SLC9C1: variants seen among roughly 807,000 people sequenced by gnomAD.
The protein encoded by SLC9C1 is solute carrier family 9 member C1.
SLC9C1 carries 97 observed loss-of-function variants against 140.9 expected under a neutral mutation model. That is an observed-to-expected ratio of 0.69 (90% CI 0.58 to 0.82). The LOEUF is 0.82. Ranked by LOEUF, SLC9C1 falls within the 40% of genes least tolerant of loss-of-function variation. The pLI, the probability that SLC9C1 is intolerant of heterozygous loss-of-function variation, is 0.00. For missense variants in SLC9C1, 1,340 were observed against 1,389.3 expected, an observed-to-expected ratio of 0.96 and a Z score of 0.56; for synonymous variants, 440 against 442.6, an observed-to-expected ratio of 0.99 and a Z score of 0.07.
chr3:112,167,857 A>G (rs144001705), intron 25 of SLC9C1, among the ~76,000 whole-genome samples: 4 of 152,228 alleles, frequency 2.6e-5, no homozygotes, highest in African/African-American at 9.6e-5. Flanking sequence ...TTGGCTGTCT[A>G]AATTCTCAAC....
intron 11 of SLC9C1, 135 bp from the exon 12 acceptor site, chr3:112,240,141 G>A: frequency 1.3e-6 from 1 of 795,488 alleles, no homozygotes. Flanking sequence ...TTAATAATGG[G>A]AATACTAAAG....
At chr3:112,279,719 C>T (rs1037403790) in intron 3 of SLC9C1, among the ~76,000 whole-genome samples, 5 of 152,184 alleles carry the variant, frequency 3.3e-5, no homozygotes, top group Non-Finnish European at 2.9e-5. Context: ...AGATATATAA[C>T]CCAATGTAGG....
chr3:112,230,114 C>T lies in SLC9C1; in HGVS notation c.1572+1247G>A, dbSNP rs116457838. Among the ~76,000 whole-genome samples, 463 of 152,272 alleles carry T rather than the reference C, an allele frequency of 3.0e-3. 4 individuals carry two copies. Among genetic ancestry groups the T allele is most frequent in the African/African-American group, 0.011 (443 of 41,562 alleles). On this transcript the variant is annotated intron_variant, in intron 13 of 28. Coordinates refer to ENST00000305815, the MANE Select transcript of SLC9C1 (RefSeq NM_183061.3). ...AGGTTCACCTATGGTTATCTCAGGA[C>T]TAGCCCTACTTCATTGTTTCCAGAT...
chr3:112,217,007 G>A (rs13100472), intron 15 of SLC9C1, among the ~76,000 whole-genome samples: 68,990 of 151,832 alleles, frequency 0.45, 16,178 homozygotes, highest in East Asian at 0.63. Flanking sequence ...CATATACACC[G>A]TGGAATACTA....
At chr3:112,210,757 T>A (rs1035040280) in intron 15 of SLC9C1, among the ~76,000 whole-genome samples, 2 of 152,218 alleles carry the variant, frequency 1.3e-5, no homozygotes, top group Admixed American at 1.3e-4. Context: ...CCCACATTTC[T>A]AATAAACATT....
chr3:112,204,267 A>G lies in SLC9C1; in HGVS notation c.2123T>C (p.Ile708Thr), dbSNP rs906522314. ...AAATTGAACAACTTTTATAAAGACT[A>G]TTACTTCAGTCTCATTAAAAATATA... is the stretch of plus-strand genomic sequence containing the variant. ...IKYIFNETEVIVFIKVVQFFR... is the reference protein window; with the variant it reads ...IKYIFNETEVTVFIKVVQFFR... The change falls in exon 17 of 29, where the codon ATA becomes ACA. Residue 708 changes from isoleucine to threonine, a missense_variant. Coordinates refer to ENST00000305815, the MANE Select transcript of SLC9C1 (RefSeq NM_183061.3). 5 of 1,537,210 alleles carry G rather than the reference A, an allele frequency of 3.3e-6. No homozygotes were observed. The highest frequency in any genetic ancestry group is 1.4e-5 in the African/African-American group (1 of 70,310).
In SLC9C1 at chr3:112,180,557, G is replaced by T; in HGVS notation, c.2748+7C>A. 1 of 1,596,660 alleles carries T rather than the reference G, an allele frequency of 6.3e-7. No homozygotes were observed. Among genetic ancestry groups the T allele is most frequent in the Non-Finnish European group, 8.5e-7 (1 of 1,173,682 alleles). On this transcript the variant is annotated splice_region_variant and intron_variant, in intron 22 of 28. Coordinates refer to ENST00000305815, the MANE Select transcript of SLC9C1 (RefSeq NM_183061.3). ...AAAACAAAACAAAACAAAAACCTCTGCCTTACCTTTACCATGCCTGAAATA... is the reference window on the plus strand; with the variant it reads ...AAAACAAAACAAAACAAAAACCTCTTCCTTACCTTTACCATGCCTGAAATA...
At chr3:112,256,383 T>C (rs1010219764) in intron 10 of SLC9C1, among the ~76,000 whole-genome samples, 11 of 152,170 alleles carry the variant, frequency 7.2e-5, no homozygotes, top group Admixed American at 7.2e-4. Context: ...GCCACCACAA[T>C]CAAGTAGGCT....
Position 112,169,044 on chromosome 3 carries a change from G to C in SLC9C1, c.3070C>G (p.Gln1024Glu). Residue 1024 changes from glutamine to glutamate, a missense_variant, in exon 25 of 29, where the codon CAA becomes GAA. Transcript: ENST00000305815. Reference protein sequence around the residue: ...LSYEDWNYNMQLKLSNIYVVD... With the variant: ...LSYEDWNYNMELKLSNIYVVD... ...ACATAAATATTAGAGAGCTTTAGTT[G>C]CATATTGTAGTTCCAATCCTGTTTT... 2 of 1,593,012 alleles carry C rather than the reference G, an allele frequency of 1.3e-6. No homozygotes were observed. Among genetic ancestry groups the C allele is most frequent in the African/African-American group, 1.4e-5 (1 of 73,922 alleles).
At chr3:112,228,157 C>T (rs2078730055) in intron 13 of SLC9C1, among the ~76,000 whole-genome samples, 1 of 152,006 alleles carries the variant, frequency 6.6e-6, no homozygotes, top group Non-Finnish European at 1.5e-5. Context: ...CTACAACCAA[C>T]AAGCTATAGC....
chr3:112,235,522 G>A (rs1232997043), intron 12 of SLC9C1, among the ~76,000 whole-genome samples: 6 of 150,530 alleles, frequency 4.0e-5, no homozygotes, highest in South Asian at 2.1e-4. Context: ...TTGAATAGGA[G>A]TGGTGAGAGA....
chr3:112,182,039 A>T, intron 21 of SLC9C1, 94 bp downstream of exon 21: 1 of 990,458 alleles, frequency 1.0e-6, no homozygotes, highest in Non-Finnish European at 1.4e-6. Context: ...CATTTAGAGA[A>T]TATTAAACTA....
rs1436753949 is a variant in SLC9C1, at chr3:112,208,229, T to G, written c.1935A>C (p.Lys645Asn). 1 of 1,611,100 alleles carries G rather than the reference T, an allele frequency of 6.2e-7. No individual in the cohort carries two copies. Among genetic ancestry groups the G allele is most frequent in the Non-Finnish European group, 8.5e-7 (1 of 1,178,882 alleles). The change falls in exon 16 of 29, where the codon AAA becomes AAC. Residue 645 changes from lysine to asparagine, a missense_variant. Lys to Asn is a moderately conservative substitution (Grantham distance 94). Transcript: ENST00000305815. Reference sequence around the variant, plus strand: ...GTGTAAGAAAACAGTAGTTAGTGTGTTTTAATTCGCTGTGGTAGATTACAT... The same window carrying G: ...GTGTAAGAAAACAGTAGTTAGTGTGGTTTAATTCGCTGTGGTAGATTACAT... ...QLNVIYHSEL[K>N]HTNYCFLTLY...
rs1293531944 is a variant in SLC9C1, at chr3:112,186,859, C to T, written c.2524-4601G>A. Among the ~76,000 whole-genome samples the T allele has an allele frequency of 2.0e-5, 3 of 152,126 alleles. No homozygotes were observed. In the East Asian group the frequency reaches 5.8e-4, roughly 29 times the overall value. ...GCACAGTGCAATGGAGTAGGATGGT[C>T]TTTTTCATAAATTATGCTGGATCAA... is the stretch of plus-strand genomic sequence containing the variant. On this transcript the variant is annotated intron_variant, in intron 20 of 28. Coordinates refer to ENST00000305815, the MANE Select transcript of SLC9C1 (RefSeq NM_183061.3).
At chr3:112,187,771 A>C (rs1392771943) in intron 20 of SLC9C1, among the ~76,000 whole-genome samples, 1 of 152,124 alleles carries the variant, frequency 6.6e-6, no homozygotes, top group African/African-American at 2.4e-5. Flanking sequence ...CACATGGGGC[A>C]ATACGAAAAG....
intron 12 of SLC9C1, among the ~76,000 whole-genome samples, chr3:112,233,072 ATTT>A (rs869095144): frequency 4.4e-4 from 37 of 83,742 alleles, no homozygotes; most frequent in South Asian, 8.2e-4. Context: ...TATATATTAT[ATTT>A]TTTTTTTTTT....
At chr3:112,289,824 T>C (rs1013394495) in intron 1 of SLC9C1, among the ~76,000 whole-genome samples, 1 of 152,224 alleles carries the variant, frequency 6.6e-6, no homozygotes, top group African/African-American at 2.4e-5. Flanking sequence ...GAATGTAATA[T>C]AAGTGACAGA....
intron 2 of SLC9C1, among the ~76,000 whole-genome samples, chr3:112,285,736 T>C (rs1373604045): frequency 6.6e-6 from 1 of 152,156 alleles, no homozygotes; most frequent in Non-Finnish European, 1.5e-5. Context: ...ATATTTTTCC[T>C]TATGGTATTC....
intron 10 of SLC9C1, among the ~76,000 whole-genome samples, chr3:112,246,365 T>C (rs1481570766): frequency 6.6e-6 from 1 of 152,170 alleles, no homozygotes; most frequent in African/African-American, 2.4e-5. Flanking sequence ...GAGATATCCA[T>C]TAAAAACTAT....
Sources: gnomAD v4.1 joint callset for allele counts (sites outside exome capture counted in the v4.1 genomes callset) on GRCh38, gnomAD v4.1.1 for gene constraint, MANE v1.5 for transcripts, NCBI Gene and HGNC (gene_info 2026-07-23, HGNC 2026-07-21) for gene names.